PTPN14: variants seen among roughly 807,000 people sequenced by gnomAD.
The protein encoded by PTPN14 is tyrosine-protein phosphatase non-receptor type 14.
A neutral mutation model predicts 126.8 loss-of-function variants in PTPN14; 53 were observed. That is an observed-to-expected ratio of 0.42 (90% confidence interval 0.34 to 0.53). The LOEUF (loss-of-function observed/expected upper bound fraction) is 0.53, where lower values mean the gene tolerates loss of function less well. PTPN14 is among the 20% of genes least tolerant of loss of function. PTPN14 has a pLI of 0.08. For missense variants in PTPN14, 1,257 were observed against 1,552.9 expected, an observed-to-expected ratio of 0.81 and a Z score of 3.20; for synonymous variants, 630 against 599.3, an observed-to-expected ratio of 1.05 and a Z score of -0.75.
At chr1:214,454,646 T>C (rs1381063432) in intron 2 of PTPN14, among the ~76,000 whole-genome samples, 2 of 152,162 alleles carry the variant, frequency 1.3e-5, no homozygotes, top group Non-Finnish European at 2.9e-5. Flanking sequence ...GAAATGATAG[T>C]AAGGCAATAA....
rs1443588180 is a variant in PTPN14, at chr1:214,354,832, C to G, written c.*3090G>C. The G allele has an allele frequency of 6.6e-6, 1 of 152,142 alleles. No homozygotes were observed. Among genetic ancestry groups the G allele is most frequent in the African/African-American group, 2.4e-5 (1 of 41,410 alleles). The allele number at this position is 152,142 out of a possible 1,614,324, so 9.4% of individuals were successfully genotyped here. A position where few individuals can be genotyped will look rare whatever the true frequency, so the allele number is the denominator to read the frequency against. On this transcript the variant is annotated 3_prime_UTR_variant, in exon 19 of 19. Coordinates refer to ENST00000366956, the MANE Select transcript of PTPN14 (RefSeq NM_005401.5). ...ACTGCAGCAATAGACACTGACAGCT[C>G]CAGCTTCAGACTTGATACATCATCA...
chr1:214,368,106 C>T (rs73074025), intron 17 of PTPN14, among the ~76,000 whole-genome samples: 5,388 of 152,064 alleles, frequency 0.035, 177 homozygotes, highest in African/African-American at 0.089. Context: ...TGAGAAAGTA[C>T]GAGAAAGTAC....
intron 3 of PTPN14, among the ~76,000 whole-genome samples, chr1:214,419,366 G>A (rs1427401701): frequency 1.3e-5 from 2 of 152,122 alleles, no homozygotes; most frequent in African/African-American, 4.8e-5. Context: ...ACGGTCAGTA[G>A]GGATGTGACA....
chr1:214,364,766 AGTGTGTGTGTGT>A lies in PTPN14; in HGVS notation c.3272-103_3272-92del, dbSNP rs57429060. The A allele has an allele frequency of 0.026, 15,524 of 591,872 alleles. 146 individuals carry two copies. Among genetic ancestry groups the A allele is most frequent in the Middle Eastern group, 0.034 (68 of 1,978 alleles). The allele number at this position is 591,872 out of a possible 1,614,324, so 36.7% of individuals were successfully genotyped here. A position where few individuals can be genotyped will look rare whatever the true frequency, so the allele number is the denominator to read the frequency against. On this transcript the variant is annotated intron_variant, in intron 17 of 18. Transcript: ENST00000366956. The surrounding 1 kb of genome is among the most constrained non-coding windows in gnomAD (Gnocchi z 4.1). ...GGGGAGCGGAAGAGAACTGATGGTG[AGTGTGTGTGTGT>A]GTGTGTGTGTGTGTGTGTGTGTGTG...
At chr1:214,403,482 ATC>A (rs754075901) in intron 5 of PTPN14, among the ~76,000 whole-genome samples, 14 of 152,144 alleles carry the variant, frequency 9.2e-5, no homozygotes, top group Non-Finnish European at 2.1e-4. Context: ...CGGCTAAAAC[ATC>A]TCCAGAGAGC....
rs1209167284 is a variant in PTPN14 at position 214,490,473 on chromosome 1, C to T, written c.-154-25516G>A. 3.3e-5 allele frequency among the ~76,000 whole-genome samples: 5 copies of T among 152,018 alleles called. No homozygotes were observed. The East Asian group carries it at 7.7e-4, about 24-fold the overall frequency. On this transcript the variant is annotated intron_variant, in intron 1 of 18. Coordinates refer to ENST00000366956, the MANE Select transcript of PTPN14 (RefSeq NM_005401.5). Reference sequence around the variant, plus strand: ...CATCTTTGGCTATAAATAGGACAAACGAGTGTCTCTCATTGTGTATGCATA... The same window carrying T: ...CATCTTTGGCTATAAATAGGACAAATGAGTGTCTCTCATTGTGTATGCATA...
chr1:214,381,581 T>C (rs1231238535), intron 13 of PTPN14, among the ~76,000 whole-genome samples: 1 of 152,234 alleles, frequency 6.6e-6, no homozygotes, highest in African/African-American at 2.4e-5. Context: ...GAGAATGTTC[T>C]TAAGGTTTTC....
At chr1:214,542,104 C>T (rs66910054) in intron 1 of PTPN14, among the ~76,000 whole-genome samples, 42,681 of 151,946 alleles carry the variant, frequency 0.28, 6,704 homozygotes, top group African/African-American at 0.42. Context: ...TTTTACTACA[C>T]ACACACACAT....
At chr1:214,464,258 G>C (rs572071027) in intron 2 of PTPN14, among the ~76,000 whole-genome samples, 2 of 149,522 alleles carry the variant, frequency 1.3e-5, no homozygotes, top group Non-Finnish European at 3.0e-5. Flanking sequence ...CCGTATGTGG[G>C]CGTTTTTTCT....
chr1:214,433,216 G>A (rs1247455043), intron 3 of PTPN14, among the ~76,000 whole-genome samples: 1 of 151,854 alleles, frequency 6.6e-6, no homozygotes, highest in Non-Finnish European at 1.5e-5. Context: ...TTTTGCACTT[G>A]TCTGTGCATA....
Position 214,395,799 on chromosome 1 carries a change from C to T in PTPN14, c.759-813G>A, listed in dbSNP as rs573827157. ...GCCCCAACCTGTAATTCCCTGCCAC[C>T]GCTTTTTCACTCATATGATGCGTCT... On this transcript the variant is annotated intron_variant, in intron 8 of 18. Transcript: ENST00000366956. Among the ~76,000 whole-genome samples, 93 of 152,218 alleles carry T rather than the reference C, an allele frequency of 6.1e-4. 1 individual carries two copies. The highest frequency in any genetic ancestry group is 3.4e-3 in the Middle Eastern group (1 of 294).
intron 1 of PTPN14, among the ~76,000 whole-genome samples, chr1:214,505,574 A>G (rs1318283720): frequency 6.6e-6 from 1 of 152,190 alleles, no homozygotes; most frequent in Non-Finnish European, 1.5e-5. Flanking sequence ...GCTACAAAGA[A>G]AAGAGCTCAG....
intron 4 of PTPN14, among the ~76,000 whole-genome samples, chr1:214,412,594 A>G (rs1659331608): frequency 6.6e-6 from 1 of 152,202 alleles, no homozygotes; most frequent in African/African-American, 2.4e-5. Flanking sequence ...TCCAAGTTCA[A>G]TAATTGGTTA....
intron 1 of PTPN14, among the ~76,000 whole-genome samples, chr1:214,473,031 C>T (rs1415655492): frequency 6.6e-6 from 1 of 152,176 alleles, no homozygotes; most frequent in Non-Finnish European, 1.5e-5. Flanking sequence ...AACCTTCAGG[C>T]ACTTCTAAAA....
chr1:214,366,109 C>T (rs988749241), intron 17 of PTPN14, among the ~76,000 whole-genome samples: 49 of 151,968 alleles, frequency 3.2e-4, no homozygotes, highest in Non-Finnish European at 6.6e-4. Context: ...AAACTGGAGG[C>T]GGAGGTTGCA....
intron 3 of PTPN14, among the ~76,000 whole-genome samples, chr1:214,421,972 G>A (rs1012164034): frequency 7.9e-5 from 12 of 152,202 alleles, no homozygotes; most frequent in Non-Finnish European, 1.5e-4. Flanking sequence ...TGGCACCAGC[G>A]CCTCCCCAAC....
intron 3 of PTPN14, among the ~76,000 whole-genome samples, chr1:214,421,489 A>G (rs1031696061): frequency 1.3e-5 from 2 of 152,180 alleles, no homozygotes; most frequent in Admixed American, 1.3e-4. Context: ...ACTGAATTGT[A>G]TACTTTAAAG....
chr1:214,410,196 A>G (rs1659270503), intron 5 of PTPN14, among the ~76,000 whole-genome samples: 1 of 151,530 alleles, frequency 6.6e-6, no homozygotes, highest in Non-Finnish European at 1.5e-5. Flanking sequence ...TTTTGGGGTC[A>G]TATGCAAGAA....
At chr1:214,423,350 G>C (rs1031330164) in intron 3 of PTPN14, among the ~76,000 whole-genome samples, 2 of 152,030 alleles carry the variant, frequency 1.3e-5, no homozygotes, top group South Asian at 2.1e-4. Context: ...AAAAAAGAAA[G>C]ATAAGAAAAA....
Sources: allele counts gnomAD v4.1 joint callset (sites outside exome capture counted in the v4.1 genomes callset), GRCh38; gene constraint gnomAD v4.1.1; non-coding constraint Gnocchi (gnomAD v3.1); transcripts MANE v1.5; gene names NCBI Gene and HGNC (gene_info 2026-07-23, HGNC 2026-07-21).